PLAAT3: variants seen among roughly 807,000 people sequenced by gnomAD.
The protein encoded by PLAAT3 is Ca-independent phospholipase A1/2.
A neutral mutation model predicts 16.7 loss-of-function variants in PLAAT3; 21 were observed. The ratio of observed to expected loss-of-function variants is 1.26; its 90% CI spans 0.89 to 1.81. The LOEUF (loss-of-function observed/expected upper bound fraction) is 1.81. PLAAT3 is among the 40% of genes most tolerant of loss of function. The probability of loss-of-function intolerance (pLI) is 0.00; values close to 1 mark genes in which losing one functional copy is unlikely to be tolerated. For missense variants in PLAAT3, 219 were observed against 213.7 expected, an observed-to-expected ratio of 1.02 and a Z score of -0.16; for synonymous variants, 76 against 81.7, an observed-to-expected ratio of 0.93 and a Z score of 0.38.
intron 2 of PLAAT3, among the ~76,000 whole-genome samples, chr11:63,605,396 C>CA (rs536831234): frequency 6.6e-6 from 1 of 151,810 alleles, no homozygotes; most frequent in African/African-American, 2.4e-5. Flanking sequence ...GAGACTGTCT[C>CA]AAAAAACAAA....
Position 63,574,855 on chromosome 11 carries a change from A to G in PLAAT3, c.*90T>C. On this transcript the variant is annotated 3_prime_UTR_variant, in exon 5 of 5. Transcript: ENST00000415826. ...AAAATAAGCCTTATTATAAATCACA[A>G]TGAAATCCACAAACCAAACCCCAAA... The G allele has an allele frequency of 9.1e-6, 7 of 770,374 alleles. No individual in the cohort carries two copies. The highest frequency in any genetic ancestry group is 1.4e-5 in the Non-Finnish European group (6 of 436,956). The allele number at this position is 770,374 out of a possible 1,614,324, so 47.7% of individuals were successfully genotyped here.
At chr11:63,597,582 C>G (rs1938322430) in intron 3 of PLAAT3, among the ~76,000 whole-genome samples, 1 of 152,176 alleles carries the variant, frequency 6.6e-6, no homozygotes, top group Non-Finnish European at 1.5e-5. Context: ...TCGGGTAGTT[C>G]TTTATAGCAG....
At chr11:63,579,176 C>G (rs1200982298) in intron 4 of PLAAT3, among the ~76,000 whole-genome samples, 1 of 152,166 alleles carries the variant, frequency 6.6e-6, no homozygotes, top group Non-Finnish European at 1.5e-5. Flanking sequence ...CAATGAGATA[C>G]CATCTCATAC....
At chr11:63,615,052 G>GTA (rs1313889361), upstream of PLAAT3, among the ~76,000 whole-genome samples, 53 of 9,734 alleles carry the variant, frequency 5.4e-3, 1 homozygote, top group East Asian at 0.056. Flanking sequence ...GTATATATAT[G>GTA]TGTATATATA....
At chr11:63,596,782 C>G (rs1398732356) in intron 3 of PLAAT3, among the ~76,000 whole-genome samples, 1 of 152,010 alleles carries the variant, frequency 6.6e-6, no homozygotes, top group Non-Finnish European at 1.5e-5. Context: ...TGAGTGAGTT[C>G]TCACAAGATC....
chr11:63,589,887 C>T (rs377358906), intron 4 of PLAAT3, among the ~76,000 whole-genome samples: 2 of 147,162 alleles, frequency 1.4e-5, no homozygotes, highest in Admixed American at 6.9e-5. Flanking sequence ...TCCTTGGCCA[C>T]CCACCCCCGC....
At position 63,613,016 on chromosome 11, in the gene PLAAT3, C is replaced by T. The variant is rs189644691; in HGVS notation, c.15+984G>A. ...ATACACCCTGACACCAGGCAAAACT[C>T]TTTATATGGACTGAGATAATAACAA... On this transcript the variant is annotated intron_variant, in intron 2 of 4. Transcript: ENST00000415826. Among the ~76,000 whole-genome samples the T allele has an allele frequency of 8.8e-4, 134 of 152,308 alleles. 1 individual carries two copies. Among genetic ancestry groups the T allele is most frequent in the Non-Finnish European group, 1.2e-3 (81 of 68,034 alleles).
intron 4 of PLAAT3, among the ~76,000 whole-genome samples, chr11:63,586,545 A>G (rs766856538): frequency 6.6e-6 from 1 of 152,222 alleles, no homozygotes; most frequent in Non-Finnish European, 1.5e-5. Flanking sequence ...TGAATTTCAA[A>G]AAGTATCTTA....
intron 2 of PLAAT3, chr11:63,598,760 A>G: frequency 1.9e-6 from 1 of 515,386 alleles, no homozygotes; most frequent in Non-Finnish European, 3.9e-6. Flanking sequence ...ACACTCCCCA[A>G]CACCTGGCCT....
intron 4 of PLAAT3, among the ~76,000 whole-genome samples, chr11:63,582,159 C>T (rs964634734): frequency 2.0e-5 from 3 of 152,232 alleles, no homozygotes; most frequent in Non-Finnish European, 4.4e-5. Flanking sequence ...GCCATAACCA[C>T]TATCCTCTCC....
At chr11:63,615,198 A>ATGTGTG (rs1369091532), upstream of PLAAT3, among the ~76,000 whole-genome samples, 3 of 98,506 alleles carry the variant, frequency 3.0e-5, no homozygotes, top group African/African-American at 1.1e-4. Flanking sequence ...ATATGTGTGT[A>ATGTGTG]TATATGTGTG....
upstream of PLAAT3, among the ~76,000 whole-genome samples, chr11:63,615,996 C>G (rs1394726709): frequency 6.6e-6 from 1 of 152,034 alleles, no homozygotes; most frequent in Admixed American, 6.6e-5. Flanking sequence ...ACAAAAATTG[C>G]CACGTATTTG....
At chr11:63,586,333 C>T (rs1186561668) in intron 4 of PLAAT3, among the ~76,000 whole-genome samples, 1 of 152,168 alleles carries the variant, frequency 6.6e-6, no homozygotes, top group Non-Finnish European at 1.5e-5. Flanking sequence ...GGGGTTTCAC[C>T]ATGTTGGCCA....
At chr11:63,594,019 A>G (rs1565251974) in intron 3 of PLAAT3, among the ~76,000 whole-genome samples, 2 of 152,214 alleles carry the variant, frequency 1.3e-5, no homozygotes, top group Non-Finnish European at 2.9e-5. Flanking sequence ...AGGGCGCTGC[A>G]GTGGGGATGG....
At chr11:63,616,593 T>C (rs1460519109), upstream of PLAAT3, 1 of 152,154 alleles carries the variant, frequency 6.6e-6, no homozygotes. Context: ...TTACTATTCT[T>C]TGTCCAATTC....
chr11:63,574,812 G>C lies in PLAAT3; in HGVS notation c.*133C>G. On this transcript the variant is annotated 3_prime_UTR_variant, in exon 5 of 5. Coordinates refer to ENST00000415826, the MANE Select transcript of PLAAT3 (RefSeq NM_001128203.2). ...CCCCAATAAAATCCTCCCTCGTTTTGCTTTATTTTATTCTGTGAAAATAAG... is the reference window on the plus strand; with the variant it reads ...CCCCAATAAAATCCTCCCTCGTTTTCCTTTATTTTATTCTGTGAAAATAAG... The C allele has an allele frequency of 1.6e-6, 1 of 635,518 alleles. No individual in the cohort carries two copies. Among genetic ancestry groups the C allele is most frequent in the Non-Finnish European group, 2.8e-6 (1 of 353,964 alleles). 39.4% of individuals were successfully genotyped at this position (635,518 alleles called of 1,614,324 possible). A position where few individuals can be genotyped will look rare whatever the true frequency, so the allele number is the denominator to read the frequency against.
intron 3 of PLAAT3, among the ~76,000 whole-genome samples, chr11:63,592,878 C>A (rs1420639843): frequency 6.6e-6 from 1 of 152,248 alleles, no homozygotes; most frequent in Non-Finnish European, 1.5e-5. Context: ...GTTTTCTCAG[C>A]AGCAGAAGGT....
intron 2 of PLAAT3, among the ~76,000 whole-genome samples, chr11:63,610,951 C>T (rs1170481245): frequency 6.6e-6 from 1 of 152,084 alleles, no homozygotes; most frequent in Non-Finnish European, 1.5e-5. Flanking sequence ...TGTGGACACA[C>T]CCTCTTCGAT....
chr11:63,590,818 C>A (rs962489641), intron 3 of PLAAT3, among the ~76,000 whole-genome samples: 5 of 152,200 alleles, frequency 3.3e-5, no homozygotes, highest in Non-Finnish European at 5.9e-5. Context: ...TGGAAACAGA[C>A]CCACCAAAAC....
Sources: gnomAD v4.1 joint callset for allele counts (sites outside exome capture counted in the v4.1 genomes callset) on GRCh38, gnomAD v4.1.1 for gene constraint, MANE v1.5 for transcripts, NCBI Gene and HGNC (gene_info 2026-07-23, HGNC 2026-07-21) for gene names.